The following CPQ variants were observed in gnomAD, a reference collection of about 807,000 sequenced individuals.
CPQ encodes the protein Ser-Met dipeptidase.
Under a neutral mutation model 45.7 loss-of-function variants are expected in CPQ, and 37 were observed. That is an observed-to-expected ratio of 0.81 (90% confidence interval 0.62 to 1.07). The LOEUF (loss-of-function observed/expected upper bound fraction) is 1.07, where lower values mean the gene tolerates loss of function less well. Among genes scored for constraint, CPQ ranks in the 50% least tolerant of loss-of-function variants. The probability of loss-of-function intolerance (pLI) is 0.00; values close to 1 mark genes in which losing one functional copy is unlikely to be tolerated. For missense variants in CPQ, 537 were observed against 572.9 expected, an observed-to-expected ratio of 0.94 and a Z score of 0.64; for synonymous variants, 186 against 205.8, an observed-to-expected ratio of 0.90 and a Z score of 0.82.
chr8:96,775,336 T>C (rs183840807), intron 1 of CPQ, among the ~76,000 whole-genome samples: 1 of 152,164 alleles, frequency 6.6e-6, no homozygotes, highest in Admixed American at 6.5e-5. Context: ...CTAACTGTAA[T>C]ATAAAGGAAC....
At chr8:96,701,584 AG>A (rs1218679422) in intron 1 of CPQ, among the ~76,000 whole-genome samples, 47 of 152,340 alleles carry the variant, frequency 3.1e-4, no homozygotes, top group African/African-American at 1.0e-3. Context: ...AGCATGAGAA[AG>A]GGCTTCTTGT....
At chr8:96,773,214 T>G (rs1810568071) in intron 1 of CPQ, among the ~76,000 whole-genome samples, 1 of 152,200 alleles carries the variant, frequency 6.6e-6, no homozygotes, top group African/African-American at 2.4e-5. Context: ...TATTCATGTA[T>G]TCTATAAATA....
At position 96,970,754 on chromosome 8, in the gene CPQ, G is replaced by A. The variant is rs1280587069; in HGVS notation, c.961+4708G>A. Among the ~76,000 whole-genome samples, 6 of 152,128 alleles carry A rather than the reference G, an allele frequency of 3.9e-5. No individual in the cohort carries two copies. In the East Asian group the frequency reaches 5.8e-4, roughly 15 times the overall value. On this transcript the variant is annotated intron_variant, in intron 5 of 7. Coordinates refer to ENST00000220763, the MANE Select transcript of CPQ (RefSeq NM_016134.4). ...AATTTTTTGTATTTTTAGTAGAGACGGGGTTTCACCGTGTTAGCCAGGATG... is the reference window on the plus strand; with the variant it reads ...AATTTTTTGTATTTTTAGTAGAGACAGGGTTTCACCGTGTTAGCCAGGATG...
chr8:96,691,099 T>C (rs1008730845), intron 1 of CPQ, among the ~76,000 whole-genome samples: 1 of 152,218 alleles, frequency 6.6e-6, no homozygotes, highest in Non-Finnish European at 1.5e-5. Context: ...AGAACAGATA[T>C]TTATTCTTTC....
At chr8:97,129,715 G>GATT (rs1380835498) in intron 7 of CPQ, among the ~76,000 whole-genome samples, 4 of 152,056 alleles carry the variant, frequency 2.6e-5, no homozygotes, top group Non-Finnish European at 1.5e-5. Context: ...CTTTTTTCTT[G>GATT]TTAAGCTTTA....
chr8:97,065,877 G>A, intron 6 of CPQ, 132 bp from the exon 7 acceptor site: 1 of 839,492 alleles, frequency 1.2e-6, no homozygotes, highest in Non-Finnish European at 1.9e-6. Flanking sequence ...CAGACCTTAA[G>A]TCAGGCACAG....
At chr8:97,024,186 C>A (rs1434232573) in intron 5 of CPQ, among the ~76,000 whole-genome samples, 1 of 152,106 alleles carries the variant, frequency 6.6e-6, no homozygotes, top group Non-Finnish European at 1.5e-5. Flanking sequence ...CCATGGCTTC[C>A]AGGACCTTCC....
rs577215615 is a variant in CPQ, at chr8:97,117,953, C to T, written c.1256-25067C>T. Among the ~76,000 whole-genome samples, 36 of 152,164 alleles carry T rather than the reference C, an allele frequency of 2.4e-4. No individual in the cohort carries two copies. The South Asian group carries it at 7.5e-3, about 32-fold the overall frequency. On this transcript the variant is annotated intron_variant, in intron 7 of 7. Coordinates refer to ENST00000220763, the MANE Select transcript of CPQ (RefSeq NM_016134.4). ...TGTTTTCCTTCTGATTCACACATTC[C>T]CTGGATTGGAAGAGATAATTAAGTT... is the stretch of plus-strand genomic sequence containing the variant.
chr8:96,930,029 G>A (rs143262168), intron 4 of CPQ, among the ~76,000 whole-genome samples: 68 of 152,248 alleles, frequency 4.5e-4, no homozygotes, highest in African/African-American at 1.4e-3. Flanking sequence ...TGAACTTCTC[G>A]GTTAGAAGAT....
intron 1 of CPQ, among the ~76,000 whole-genome samples, chr8:96,685,384 G>T (rs181913571): frequency 1.9e-3 from 296 of 151,802 alleles, no homozygotes; most frequent in Non-Finnish European, 3.4e-3. Context: ...TCTTTAATCT[G>T]TCTCAGATTT....
chr8:97,064,087 T>C (rs1407109214), intron 6 of CPQ, among the ~76,000 whole-genome samples: 1 of 152,172 alleles, frequency 6.6e-6, no homozygotes, highest in African/African-American at 2.4e-5. Flanking sequence ...TGATTCTTCC[T>C]ATCATGTAGC....
Position 96,878,223 on chromosome 8 carries a change from C to T in CPQ, c.642-1575C>T, listed in dbSNP as rs528502820. On this transcript the variant is annotated intron_variant, in intron 3 of 7. Coordinates refer to ENST00000220763, the MANE Select transcript of CPQ (RefSeq NM_016134.4). The stretch of plus-strand genomic sequence containing the variant: ...CCTCATGATCCACCTGCCTCAGCCT[C>T]CCAATGTGCTGGGACTACAGGCATG... 2.6e-5 allele frequency among the ~76,000 whole-genome samples: 4 copies of T among 152,278 alleles called. No homozygotes were observed. In the South Asian group the frequency reaches 6.2e-4, roughly 24 times the overall value.
chr8:96,956,405 A>G (rs1246511268), intron 4 of CPQ, among the ~76,000 whole-genome samples: 1 of 152,130 alleles, frequency 6.6e-6, no homozygotes, highest in Admixed American at 6.6e-5. Context: ...TGTGATACAC[A>G]AACATTATAA....
chr8:96,980,143 T>C (rs1232973974), intron 5 of CPQ, among the ~76,000 whole-genome samples: 2 of 152,126 alleles, frequency 1.3e-5, no homozygotes, highest in Non-Finnish European at 2.9e-5. Flanking sequence ...TCATTATATA[T>C]AGATTTTGAA....
chr8:96,912,470 A>G (rs895129157), intron 4 of CPQ, among the ~76,000 whole-genome samples: 1 of 152,222 alleles, frequency 6.6e-6, no homozygotes, highest in Admixed American at 6.5e-5. Context: ...AAGTTCTAGT[A>G]TAATAATAAT....
intron 2 of CPQ, among the ~76,000 whole-genome samples, chr8:96,803,571 G>T (rs560507640): frequency 7.2e-5 from 11 of 152,280 alleles, no homozygotes; most frequent in African/African-American, 2.6e-4. Flanking sequence ...GTTAGCTGAA[G>T]CCAGTAATGA....
intron 1 of CPQ, among the ~76,000 whole-genome samples, chr8:96,728,364 C>T (rs556280883): frequency 6.6e-6 from 1 of 152,076 alleles, no homozygotes; most frequent in Non-Finnish European, 1.5e-5. Flanking sequence ...GGCTTCTCTG[C>T]TTGATCTTGC....
intron 6 of CPQ, among the ~76,000 whole-genome samples, chr8:97,050,291 T>C (rs1034097747): frequency 1.3e-5 from 2 of 152,172 alleles, no homozygotes; most frequent in Non-Finnish European, 2.9e-5. Context: ...TTGATACCAG[T>C]GTAAATAAGT....
intron 6 of CPQ, among the ~76,000 whole-genome samples, chr8:97,038,787 C>A (rs1214496961): frequency 1.0e-5 from 1 of 95,258 alleles, no homozygotes; most frequent in Non-Finnish European, 2.0e-5. Flanking sequence ...CAAAACTAGA[C>A]AAATGAGTAT....
Sources: gnomAD v4.1 joint callset for allele counts (sites outside exome capture counted in the v4.1 genomes callset) on GRCh38, gnomAD v4.1.1 for gene constraint, MANE v1.5 for transcripts, NCBI Gene and HGNC (gene_info 2026-07-23, HGNC 2026-07-21) for gene names.